The following ADAM32 variants were observed in gnomAD, a reference collection of about 807,000 sequenced individuals.
The protein encoded by ADAM32 is ADAM metallopeptidase domain 32.
In ADAM32, 89 loss-of-function variants were observed where a neutral mutation model predicts 114.9. That is an observed-to-expected ratio of 0.77 (90% CI 0.65 to 0.92). The LOEUF is 0.92. Ranked by LOEUF, ADAM32 falls within the 40% of genes least tolerant of loss-of-function variation. The probability of loss-of-function intolerance (pLI) is 0.00; values close to 1 mark genes in which losing one functional copy is unlikely to be tolerated. For missense variants in ADAM32, 870 were observed against 932.8 expected, an observed-to-expected ratio of 0.93 and a Z score of 0.88; for synonymous variants, 285 against 307.5, an observed-to-expected ratio of 0.93 and a Z score of 0.77.
At chr8:39,244,841 AAAGTAT>A (rs1810796247) in intron 16 of ADAM32, among the ~76,000 whole-genome samples, 1 of 151,676 alleles carries the variant, frequency 6.6e-6, no homozygotes, top group Non-Finnish European at 1.5e-5. Flanking sequence ...CCTAAAACTT[AAAGTAT>A]AATAAAAAAA....
At chr8:39,220,660 T>G (rs925644230) in intron 12 of ADAM32, among the ~76,000 whole-genome samples, 2 of 152,074 alleles carry the variant, frequency 1.3e-5, no homozygotes, top group African/African-American at 4.8e-5. Context: ...ATTCTTTATT[T>G]CTTCATTGAC....
intron 3 of ADAM32, among the ~76,000 whole-genome samples, chr8:39,144,648 G>A (rs1271278530): frequency 2.5e-5 from 1 of 40,120 alleles, no homozygotes; most frequent in Non-Finnish European, 4.7e-5. Flanking sequence ...GCCTAGAAGA[G>A]ATATACCTTA....
chr8:39,238,865 C>G (rs539375012), intron 16 of ADAM32, among the ~76,000 whole-genome samples: 14 of 151,378 alleles, frequency 9.2e-5, no homozygotes, highest in South Asian at 8.3e-4. Flanking sequence ...CAATCTGACA[C>G]AGACAAAAAA....
chr8:39,204,442 ATT>A (rs1807672693), intron 11 of ADAM32, among the ~76,000 whole-genome samples: 1 of 152,182 alleles, frequency 6.6e-6, no homozygotes, highest in Non-Finnish European at 1.5e-5. Flanking sequence ...AAGCTTGTGC[ATT>A]TGTCACGTAG....
intron 19 of ADAM32, among the ~76,000 whole-genome samples, chr8:39,266,885 A>G (rs937280605): frequency 6.6e-6 from 1 of 152,200 alleles, no homozygotes; most frequent in Non-Finnish European, 1.5e-5. Flanking sequence ...AGGCTTAGGC[A>G]ATTGGCTTCA....
At chr8:39,265,358 C>T (rs1412113419) in intron 19 of ADAM32, among the ~76,000 whole-genome samples, 1 of 152,206 alleles carries the variant, frequency 6.6e-6, no homozygotes, top group Non-Finnish European at 1.5e-5. Flanking sequence ...ATGGATCTTT[C>T]TCCTTCCCTT....
chr8:39,280,210 G>A (rs536089701), intron 22 of ADAM32, among the ~76,000 whole-genome samples: 3 of 152,312 alleles, frequency 2.0e-5, no homozygotes, highest in African/African-American at 7.2e-5. Flanking sequence ...CTAGGGTTAT[G>A]AAAACCACAT....
At chr8:39,161,071 G>A in intron 7 of ADAM32, 106 bp downstream of exon 7, 1 of 1,025,902 alleles carries the variant, frequency 9.7e-7, no homozygotes, top group Non-Finnish European at 1.4e-6. Flanking sequence ...TTACTCACAT[G>A]TCATAGAGAC....
intron 12 of ADAM32, among the ~76,000 whole-genome samples, chr8:39,216,835 T>C (rs1346652595): frequency 6.6e-6 from 1 of 152,012 alleles, no homozygotes; most frequent in Non-Finnish European, 1.5e-5. Flanking sequence ...ATTATTTTGA[T>C]TGGTTCATCA....
intron 14 of ADAM32, among the ~76,000 whole-genome samples, chr8:39,225,360 T>C (rs144956722): frequency 1.4e-3 from 206 of 152,324 alleles, no homozygotes; most frequent in African/African-American, 4.6e-3. Flanking sequence ...TCATTACTTA[T>C]GTGGAAGCAG....
chr8:39,189,334 T>C (rs781711549), intron 11 of ADAM32, among the ~76,000 whole-genome samples: 1 of 152,190 alleles, frequency 6.6e-6, no homozygotes, highest in East Asian at 1.9e-4. Flanking sequence ...GAAGACTTAA[T>C]ATATTGGCAT....
chr8:39,200,085 T>G (rs1807294809), intron 11 of ADAM32, among the ~76,000 whole-genome samples: 1 of 152,202 alleles, frequency 6.6e-6, no homozygotes, highest in South Asian at 2.1e-4. Context: ...TAAACATATG[T>G]GTGCATGTGT....
intron 24 of ADAM32, among the ~76,000 whole-genome samples, chr8:39,284,163 A>G (rs949302607): frequency 1.3e-5 from 2 of 152,194 alleles, no homozygotes; most frequent in Non-Finnish European, 2.9e-5. Flanking sequence ...TCAGTTTAGT[A>G]AAGTTCTCTT....
chr8:39,146,337 A>C (rs1026275406), intron 3 of ADAM32, among the ~76,000 whole-genome samples: 1 of 152,176 alleles, frequency 6.6e-6, no homozygotes, highest in Non-Finnish European at 1.5e-5. Flanking sequence ...ATATATGTGC[A>C]TAGTAATAAA....
At chr8:39,171,796 A>G (rs1056625679) in intron 10 of ADAM32, among the ~76,000 whole-genome samples, 1 of 151,236 alleles carries the variant, frequency 6.6e-6, no homozygotes, top group African/African-American at 2.4e-5. Context: ...CTTGTTGCTT[A>G]TGTTTAAATA....
chr8:39,182,440 T>G (rs1386054490), intron 10 of ADAM32, among the ~76,000 whole-genome samples: 2 of 152,242 alleles, frequency 1.3e-5, no homozygotes, highest in African/African-American at 2.4e-5. Flanking sequence ...ATGCACAACA[T>G]GATGTTTTGA....
chr8:39,205,123 A>G (rs1239003986), intron 11 of ADAM32, among the ~76,000 whole-genome samples: 1 of 152,218 alleles, frequency 6.6e-6, no homozygotes, highest in Non-Finnish European at 1.5e-5. Context: ...CTCAAACTCC[A>G]TGCTGGGAGA....
chr8:39,109,333 G>A (rs887706817), intron 1 of ADAM32, among the ~76,000 whole-genome samples: 2 of 152,156 alleles, frequency 1.3e-5, no homozygotes, highest in Admixed American at 6.5e-5. Flanking sequence ...CCTGAGTGAG[G>A]TCAGGAGTTT....
intron 16 of ADAM32, among the ~76,000 whole-genome samples, chr8:39,245,085 A>T (rs1415618327): frequency 6.6e-6 from 1 of 152,040 alleles, no homozygotes; most frequent in Non-Finnish European, 1.5e-5. Context: ...AGTGGCTAAG[A>T]AAATGTGGTA....
Sources: allele counts gnomAD v4.1 joint callset (sites outside exome capture counted in the v4.1 genomes callset), GRCh38; gene constraint gnomAD v4.1.1; transcripts MANE v1.5; gene names NCBI Gene and HGNC (gene_info 2026-07-23, HGNC 2026-07-21).